The following SKAP2 variants were observed in gnomAD, a reference collection of about 807,000 sequenced individuals.
SKAP2 encodes src kinase associated phosphoprotein 2.
Under a neutral mutation model 54.9 loss-of-function variants are expected in SKAP2, and 28 were observed. The observed-to-expected ratio is 0.51, with a 90% CI of 0.38 to 0.70. The LOEUF is 0.70. Among genes scored for constraint, SKAP2 ranks in the 30% least tolerant of loss-of-function variants. SKAP2 has a pLI of 0.00. For missense variants in SKAP2, 356 were observed against 424.1 expected, an observed-to-expected ratio of 0.84 and a Z score of 1.41; for synonymous variants, 137 against 134.3, an observed-to-expected ratio of 1.02 and a Z score of -0.14.
chr7:26,758,718 T>C (rs2127969862), intron 4 of SKAP2, among the ~76,000 whole-genome samples: 1 of 152,336 alleles, frequency 6.6e-6, no homozygotes, highest in South Asian at 2.1e-4. Context: ...TAAAGGAACA[T>C]ATTTTCTCTG....
intron 1 of SKAP2, among the ~76,000 whole-genome samples, chr7:26,858,601 CT>C (rs1487550303): frequency 3.3e-5 from 5 of 152,116 alleles, no homozygotes; most frequent in Admixed American, 6.5e-5. Flanking sequence ...TCCAATCTTC[CT>C]TTTTCCCCCC....
intron 7 of SKAP2, 130 bp downstream of exon 7, chr7:26,726,752 T>C (rs1448764702): frequency 1.4e-6 from 1 of 739,350 alleles, no homozygotes; most frequent in Non-Finnish European, 2.0e-6. Flanking sequence ...CAATGCATAA[T>C]ATATTTAAAC....
At chr7:26,805,321 T>TAATTA (rs1784003534) in intron 4 of SKAP2, among the ~76,000 whole-genome samples, 1 of 152,246 alleles carries the variant, frequency 6.6e-6, no homozygotes, top group South Asian at 2.1e-4. Flanking sequence ...CAGTGATTAC[T>TAATTA]TTCTTCATTA....
intron 11 of SKAP2, among the ~76,000 whole-genome samples, chr7:26,671,368 T>C (rs1387006322): frequency 6.6e-6 from 1 of 152,080 alleles, no homozygotes; most frequent in Non-Finnish European, 1.5e-5. Context: ...TTGAGTTATA[T>C]GTGGGGAGGG....
chr7:26,736,360 A>C (rs1461282484), intron 6 of SKAP2, among the ~76,000 whole-genome samples: 1 of 152,210 alleles, frequency 6.6e-6, no homozygotes, highest in South Asian at 2.1e-4. Context: ...TAGCATGCTA[A>C]AAGACACTCC....
intron 4 of SKAP2, among the ~76,000 whole-genome samples, chr7:26,766,038 T>C (rs978479834): frequency 8.6e-5 from 13 of 152,012 alleles, no homozygotes; most frequent in Admixed American, 5.9e-4. Flanking sequence ...GGGGATAGCA[T>C]TGAATCTATA....
intron 9 of SKAP2, among the ~76,000 whole-genome samples, chr7:26,722,387 T>TTC (rs1461500010): frequency 7.7e-6 from 1 of 129,420 alleles, no homozygotes; most frequent in African/African-American, 3.1e-5. Flanking sequence ...GCAATGCAAT[T>TTC]TTTTTTTTTT....
chr7:26,726,663 A>G, intron 7 of SKAP2: 1 of 374,794 alleles, frequency 2.7e-6, no homozygotes, highest in East Asian at 4.9e-5. Context: ...GATAAATTAT[A>G]TATTCTCTTT....
chr7:26,675,656 A>C (rs564654749), intron 11 of SKAP2, among the ~76,000 whole-genome samples: 2 of 152,314 alleles, frequency 1.3e-5, no homozygotes, highest in African/African-American at 4.8e-5. Context: ...ATATTTTCTT[A>C]AGAAATGTAA....
intron 4 of SKAP2, among the ~76,000 whole-genome samples, chr7:26,832,955 G>C (rs1411052085): frequency 6.6e-6 from 1 of 152,156 alleles, no homozygotes. Flanking sequence ...GTAAAGGCTT[G>C]TGTATTCGGG....
At chr7:26,855,871 C>T (rs1156513078) in intron 1 of SKAP2, among the ~76,000 whole-genome samples, 1 of 152,020 alleles carries the variant, frequency 6.6e-6, no homozygotes, top group African/African-American at 2.4e-5. Context: ...GTAGGCATGG[C>T]TATAAATCAT....
At chr7:26,857,453 G>A (rs1481210505) in intron 1 of SKAP2, 3 of 984,464 alleles carry the variant, frequency 3.0e-6, no homozygotes, top group African/African-American at 3.5e-5. Context: ...CACTTTACCC[G>A]TTTCTTTTAG....
chr7:26,728,455 T>C (rs1787755258), intron 6 of SKAP2, among the ~76,000 whole-genome samples: 1 of 152,142 alleles, frequency 6.6e-6, no homozygotes, highest in African/African-American at 2.4e-5. Flanking sequence ...ACAGAATATT[T>C]TATGGTACTC....
chr7:26,845,566 C>A (rs1784904219), intron 3 of SKAP2, among the ~76,000 whole-genome samples: 1 of 152,156 alleles, frequency 6.6e-6, no homozygotes, highest in Admixed American at 6.5e-5. Context: ...AACTTAATTT[C>A]TCTTTCTTTT....
intron 6 of SKAP2, among the ~76,000 whole-genome samples, chr7:26,729,514 G>A (rs1024871098): frequency 6.6e-5 from 10 of 152,052 alleles, no homozygotes; most frequent in Non-Finnish European, 1.3e-4. Flanking sequence ...AATAAAAAGA[G>A]GAAAGGCTGA....
intron 4 of SKAP2, among the ~76,000 whole-genome samples, chr7:26,806,398 A>C (rs1215357997): frequency 5.9e-5 from 9 of 152,180 alleles, no homozygotes; most frequent in Non-Finnish European, 1.0e-4. Flanking sequence ...ATCAATCAAT[A>C]AATAAACAAA....
intron 4 of SKAP2, among the ~76,000 whole-genome samples, chr7:26,765,805 CCT>C (rs1472279034): frequency 6.6e-6 from 1 of 151,956 alleles, no homozygotes; most frequent in East Asian, 1.9e-4. Context: ...TTCTGAGGCC[CCT>C]GTTCTGTTCC....
chr7:26,674,635 A>G (rs1300852297), intron 11 of SKAP2, among the ~76,000 whole-genome samples: 2 of 152,206 alleles, frequency 1.3e-5, no homozygotes, highest in Non-Finnish European at 2.9e-5. Context: ...ACCATTCAGG[A>G]ACCTGATTGA....
chr7:26,781,985 G>A (rs1410857766), intron 4 of SKAP2, among the ~76,000 whole-genome samples: 1 of 152,100 alleles, frequency 6.6e-6, no homozygotes, highest in African/African-American at 2.4e-5. Context: ...TCCTTTATAG[G>A]ATGAGCTTAT....
Sources: allele counts gnomAD v4.1 joint callset (sites outside exome capture counted in the v4.1 genomes callset), GRCh38; gene constraint gnomAD v4.1.1; transcripts MANE v1.5; gene names NCBI Gene and HGNC (gene_info 2026-07-23, HGNC 2026-07-21).